The following DCC variants were observed in gnomAD, a reference collection of about 807,000 sequenced individuals.
DCC encodes the protein DCC netrin 1 receptor.
In DCC, 58 loss-of-function variants were observed where a neutral mutation model predicts 172.5. That is an observed-to-expected ratio of 0.34 (90% CI 0.27 to 0.42). The LOEUF (loss-of-function observed/expected upper bound fraction) is 0.42, where lower values mean the gene tolerates loss of function less well. DCC is among the 10% of genes least tolerant of loss of function. The pLI, the probability that DCC is intolerant of heterozygous loss-of-function variation, is 1.00. For missense variants in DCC, 1,740 were observed against 1,791.0 expected (o/e 0.97, Z 0.51); for synonymous variants, 709 against 644.5 (o/e 1.10, Z -1.52).
chr18:52,341,028 T>C, intron 1 of DCC, 150 bp downstream of exon 1: 5 of 602,568 alleles, frequency 8.3e-6, no homozygotes, highest in Non-Finnish European at 9.0e-6. Context: ...TGATAAAAGA[T>C]AGAAGAGTTT....
At chr18:52,774,331 C>T (rs1001249740) in intron 2 of DCC, among the ~76,000 whole-genome samples, 4 of 152,092 alleles carry the variant, frequency 2.6e-5, no homozygotes, top group African/African-American at 9.7e-5. Flanking sequence ...GTTGATGTGG[C>T]CGGCTGAATG....
chr18:52,366,697 A>G (rs1340898746), intron 1 of DCC, among the ~76,000 whole-genome samples: 2 of 151,704 alleles, frequency 1.3e-5, no homozygotes, highest in Non-Finnish European at 2.9e-5. Flanking sequence ...AGGCCCCACC[A>G]GAGCAGCTAG....
chr18:53,277,066 G>A (rs1314581351), intron 12 of DCC, among the ~76,000 whole-genome samples: 1 of 152,140 alleles, frequency 6.6e-6, no homozygotes, highest in South Asian at 2.1e-4. Context: ...GGCAGTGTAA[G>A]TGCATACAAG....
chr18:53,516,144 C>T (rs923077555), intron 27 of DCC, among the ~76,000 whole-genome samples: 26 of 150,624 alleles, frequency 1.7e-4, no homozygotes, highest in African/African-American at 3.2e-4. Context: ...GAAATAATGC[C>T]GCATATCTAC....
chr18:52,926,517 G>C (rs562809770), intron 5 of DCC, among the ~76,000 whole-genome samples: 2 of 151,824 alleles, frequency 1.3e-5, no homozygotes, highest in Non-Finnish European at 3.0e-5. Flanking sequence ...ACAAAGAATA[G>C]AGAACTTTCA....
At chr18:52,720,230 A>G (rs1320136887) in intron 1 of DCC, among the ~76,000 whole-genome samples, 1 of 152,164 alleles carries the variant, frequency 6.6e-6, no homozygotes, top group Non-Finnish European at 1.5e-5. Flanking sequence ...TCCATCATCC[A>G]TATGGAATTG....
chr18:53,403,707 T>C (rs1462231762), intron 19 of DCC, among the ~76,000 whole-genome samples: 4 of 120,146 alleles, frequency 3.3e-5, no homozygotes, highest in Non-Finnish European at 8.5e-5. Flanking sequence ...CCTTTTTTCC[T>C]TCTTTTTTTG....
chr18:52,975,575 A>C (rs117643043), intron 5 of DCC, among the ~76,000 whole-genome samples: 5,364 of 152,056 alleles, frequency 0.035, 127 homozygotes, highest in African/African-American at 0.054. Flanking sequence ...GTGTTCTCAT[A>C]ATTTAGCTCC....
At chr18:52,489,313 G>A (rs2030384893) in intron 1 of DCC, among the ~76,000 whole-genome samples, 1 of 151,994 alleles carries the variant, frequency 6.6e-6, no homozygotes. Context: ...AGATCTGAAG[G>A]CAAAGATTCA....
chr18:52,982,054 A>T (rs2041220015), intron 5 of DCC, among the ~76,000 whole-genome samples: 1 of 152,160 alleles, frequency 6.6e-6, no homozygotes, highest in Non-Finnish European at 1.5e-5. Flanking sequence ...TTACATAAAG[A>T]GCTTTCTAAG....
At chr18:52,609,225 A>G (rs771648499) in intron 1 of DCC, among the ~76,000 whole-genome samples, 2 of 152,194 alleles carry the variant, frequency 1.3e-5, no homozygotes, top group Non-Finnish European at 2.9e-5. Context: ...AATTTCAGAA[A>G]CAAATTTCTT....
rs74178680 is a variant in DCC at position 52,664,470 on chromosome 18, C to CTTTTT, written c.92-87583_92-87579dup. Among the ~76,000 whole-genome samples, 77 of 99,796 alleles carry CTTTTT rather than the reference C, an allele frequency of 7.7e-4. 3 individuals carry two copies. The highest frequency in any genetic ancestry group is 1.5e-3 in the East Asian group (5 of 3,304). The allele number at this position is 99,796 out of a possible 152,430, so 65.5% of individuals were successfully genotyped here. ...CAAATATCTTTTTTCTTTTCTTTTT[C>CTTTTT]TTTTTCTTTTTTTTTTTTTTTTGAG... On this transcript the variant is annotated intron_variant, in intron 1 of 28. Transcript: ENST00000442544.
intron 12 of DCC, among the ~76,000 whole-genome samples, chr18:53,292,330 C>A (rs1598990504): frequency 6.6e-6 from 1 of 152,142 alleles, no homozygotes; most frequent in East Asian, 1.9e-4. Context: ...CTGTGGTAAT[C>A]AGTGGAAAAA....
chr18:52,960,520 A>G (rs1309945844), intron 5 of DCC, among the ~76,000 whole-genome samples: 1 of 152,028 alleles, frequency 6.6e-6, no homozygotes, highest in Non-Finnish European at 1.5e-5. Context: ...TTCTTCAATC[A>G]TCTTTAAAAA....
chr18:52,969,582 C>CTCTCT (rs60961374), intron 5 of DCC, among the ~76,000 whole-genome samples: 11 of 80,080 alleles, frequency 1.4e-4, no homozygotes, highest in Non-Finnish European at 2.0e-4. Context: ...GCCCCGCCCC[C>CTCTCT]CACTCTCTCT....
intron 2 of DCC, among the ~76,000 whole-genome samples, chr18:52,786,336 G>C (rs2037659491): frequency 6.6e-6 from 1 of 151,880 alleles, no homozygotes; most frequent in Non-Finnish European, 1.5e-5. Context: ...TTTGATTACA[G>C]GAATAAGCAG....
intron 12 of DCC, among the ~76,000 whole-genome samples, chr18:53,259,445 T>G (rs1393678029): frequency 6.6e-6 from 1 of 152,174 alleles, no homozygotes; most frequent in East Asian, 1.9e-4. Flanking sequence ...GTCTGTAAAG[T>G]ATTTTATTTC....
chr18:52,881,745 A>T (rs1309295766), intron 2 of DCC, among the ~76,000 whole-genome samples: 1 of 151,960 alleles, frequency 6.6e-6, no homozygotes, highest in Non-Finnish European at 1.5e-5. Context: ...TGATTATTTT[A>T]GTTTTTTTCT....
At chr18:52,688,479 C>T (rs2035877164) in intron 1 of DCC, among the ~76,000 whole-genome samples, 1 of 151,838 alleles carries the variant, frequency 6.6e-6, no homozygotes, top group African/African-American at 2.4e-5. Context: ...TCTAAAAATG[C>T]TACAAAAAGA....
Sources: allele counts gnomAD v4.1 joint callset (sites outside exome capture counted in the v4.1 genomes callset), GRCh38; gene constraint gnomAD v4.1.1; transcripts MANE v1.5; gene names NCBI Gene and HGNC (gene_info 2026-07-23, HGNC 2026-07-21).